Variants in TDRD10 observed in about 807,000 individuals in gnomAD.
TDRD10 encodes the protein tudor domain-containing protein 10.
TDRD10 carries 40 observed loss-of-function variants against 48.0 expected under a neutral mutation model. That is an observed-to-expected ratio of 0.83 (90% confidence interval 0.65 to 1.09). The LOEUF (loss-of-function observed/expected upper bound fraction) is 1.09, where lower values mean the gene tolerates loss of function less well. Ranked by LOEUF, TDRD10 falls within the 50% of genes least tolerant of loss-of-function variation. The probability of loss-of-function intolerance (pLI) is 0.00; values close to 1 mark genes in which losing one functional copy is unlikely to be tolerated. For synonymous variants in TDRD10, 162 were observed against 170.4 expected (o/e 0.95, Z 0.38); for missense variants, 378 against 434.7 (o/e 0.87, Z 1.16).
intron 12 of TDRD10, 45 bp from the exon 13 acceptor site, chr1:154,547,633 C>T (rs370366412): frequency 2.3e-5 from 37 of 1,614,060 alleles, no homozygotes; most frequent in African/African-American, 2.3e-4. Context: ...TGAACTGGCT[C>T]GGGTGGGCCT....
intron 4 of TDRD10, among the ~76,000 whole-genome samples, chr1:154,520,035 G>T (rs547060742): frequency 6.6e-6 from 1 of 152,178 alleles, no homozygotes; most frequent in Non-Finnish European, 1.5e-5. Flanking sequence ...GGCCGTGTGC[G>T]CCCATAGCCA....
intron 4 of TDRD10, among the ~76,000 whole-genome samples, chr1:154,517,397 T>G (rs1480881664): frequency 6.6e-6 from 1 of 152,266 alleles, no homozygotes; most frequent in African/African-American, 2.4e-5. Flanking sequence ...AGGTTGTACC[T>G]TATGAAATAG....
intron 6 of TDRD10, among the ~76,000 whole-genome samples, chr1:154,532,671 C>G (rs1205163686): frequency 6.6e-6 from 1 of 152,072 alleles, no homozygotes; most frequent in Admixed American, 6.6e-5. Flanking sequence ...TTTCCTGGTT[C>G]TTGGTATGAT....
rs766484327 is a variant in TDRD10 at position 154,507,236 on chromosome 1, G to C, written c.3-5G>C. 2.5e-6 allele frequency: 4 copies of C among 1,613,900 alleles called. No homozygotes were observed. The highest frequency in any genetic ancestry group is 3.4e-6 in the Non-Finnish European group (4 of 1,179,958). On this transcript the variant is annotated splice_region_variant and splice_polypyrimidine_tract_variant and intron_variant, in intron 2 of 12. Coordinates refer to ENST00000368482, the MANE Select transcript of TDRD10 (RefSeq NM_182499.4). ...AGGTTCGATGCTGACACCTGTGTTT[G>C]ACAGGTCCTGGAACATTAGTCACCC...
chr1:154,505,224 C>G (rs150773784), intron 1 of TDRD10, among the ~76,000 whole-genome samples: 1 of 152,300 alleles, frequency 6.6e-6, no homozygotes, highest in East Asian at 1.9e-4. Context: ...CAATGTCTCC[C>G]TCTTAGAGTT....
At chr1:154,515,054 G>T (rs1034423679) in intron 4 of TDRD10, among the ~76,000 whole-genome samples, 1 of 151,872 alleles carries the variant, frequency 6.6e-6, no homozygotes, top group Non-Finnish European at 1.5e-5. Context: ...TTTTAGTAGA[G>T]ACGGGGCTTC....
At chr1:154,531,636 C>T (rs892735982) in intron 6 of TDRD10, among the ~76,000 whole-genome samples, 5 of 152,026 alleles carry the variant, frequency 3.3e-5, no homozygotes, top group Non-Finnish European at 5.9e-5. Flanking sequence ...AGTGTGGACC[C>T]GAAGAGTGAG....
intron 7 of TDRD10, 37 bp from the exon 8 acceptor site, chr1:154,542,694 T>C (rs1037408864): frequency 1.0e-5 from 16 of 1,574,202 alleles, no homozygotes; most frequent in Non-Finnish European, 1.3e-5. Context: ...CTCTGGGTAG[T>C]TCTGGTGCCT....
At chr1:154,510,862 C>T (rs1016589617) in intron 4 of TDRD10, among the ~76,000 whole-genome samples, 63 of 151,586 alleles carry the variant, frequency 4.2e-4, no homozygotes, top group Non-Finnish European at 5.6e-4. Flanking sequence ...CTGGCTAACA[C>T]GGTGAAACCC....
At chr1:154,533,353 G>GTTT (rs75204432) in intron 6 of TDRD10, among the ~76,000 whole-genome samples, 10 of 134,430 alleles carry the variant, frequency 7.4e-5, no homozygotes, top group Admixed American at 2.2e-4. Context: ...CTTTTGTTGG[G>GTTT]TTTTTTTTTT....
intron 4 of TDRD10, among the ~76,000 whole-genome samples, chr1:154,512,500 A>G (rs990111214): frequency 2.6e-5 from 4 of 152,162 alleles, no homozygotes; most frequent in Non-Finnish European, 5.9e-5. Flanking sequence ...ATGCACCACC[A>G]TGCCTGGCTA....
At chr1:154,520,096 A>G (rs1430998291) in intron 4 of TDRD10, among the ~76,000 whole-genome samples, 1 of 152,182 alleles carries the variant, frequency 6.6e-6, no homozygotes, top group African/African-American at 2.4e-5. Context: ...TCTTGTCTGC[A>G]TCGCTGCTTG....
At chr1:154,541,895 C>T in intron 6 of TDRD10, 129 bp from the exon 7 acceptor site, 1 of 821,998 alleles carries the variant, frequency 1.2e-6, no homozygotes, top group South Asian at 1.9e-5. Flanking sequence ...CAAAAGTCAG[C>T]TCTAAAGTCG....
rs1244130009 is a variant in TDRD10 at position 154,502,656 on chromosome 1, G to T, written c.-401G>T. On this transcript the variant is annotated 5_prime_UTR_variant, in exon 1 of 13. Transcript: ENST00000368482. ...CCCGCGTCTGCACCGAGCCGGTCTC[G>T]GCCGGGCGCTGCCTTCACACGCGCC... The T allele has an allele frequency of 2.0e-5, 3 of 152,310 alleles. No individual in the cohort carries two copies. Among genetic ancestry groups the T allele is most frequent in the Non-Finnish European group, 2.9e-5 (2 of 68,114 alleles). The allele number at this position is 152,310 out of a possible 1,614,324, so 9.4% of individuals were successfully genotyped here.
intron 8 of TDRD10, among the ~76,000 whole-genome samples, chr1:154,543,318 A>T (rs187358415): frequency 3.3e-5 from 5 of 152,270 alleles, no homozygotes; most frequent in Non-Finnish European, 5.9e-5. Context: ...ATCAGCTTCC[A>T]CTTATGTACA....
intron 6 of TDRD10, among the ~76,000 whole-genome samples, chr1:154,532,223 C>A (rs1694668897): frequency 1.3e-5 from 2 of 152,198 alleles, no homozygotes; most frequent in South Asian, 4.1e-4. Context: ...GGCTGCAGGT[C>A]CCAAGCCCTG....
At chr1:154,546,134 C>T (rs4382717) in intron 11 of TDRD10, among the ~76,000 whole-genome samples, 77,986 of 149,374 alleles carry the variant, frequency 0.52, 22,798 homozygotes, top group East Asian at 0.76. Context: ...AGTGCAGTGG[C>T]GTGATCTCAG....
intron 6 of TDRD10, among the ~76,000 whole-genome samples, chr1:154,522,372 A>G (rs1404855141): frequency 6.6e-6 from 1 of 152,140 alleles, no homozygotes; most frequent in Non-Finnish European, 1.5e-5. Context: ...AAAGATAGAC[A>G]CATTGTTGCT....
rs181652091 is a variant in TDRD10, at chr1:154,528,614, G to A, written c.369+7135G>A. Among the ~76,000 whole-genome samples the A allele has an allele frequency of 4.7e-3, 721 of 152,044 alleles. 4 individuals carry two copies. The highest frequency in any genetic ancestry group is 0.017 in the African/African-American group (687 of 41,518). ...CCAGCACTTTGGGAGGCTGAGGCAG[G>A]CGGAGACCAGCCTGGCCAACATGGT... On this transcript the variant is annotated intron_variant, in intron 6 of 12. Coordinates refer to ENST00000368482, the MANE Select transcript of TDRD10 (RefSeq NM_182499.4).
Sources: gnomAD v4.1 joint callset for allele counts (sites outside exome capture counted in the v4.1 genomes callset) on GRCh38, gnomAD v4.1.1 for gene constraint, MANE v1.5 for transcripts, NCBI Gene and HGNC (gene_info 2026-07-23, HGNC 2026-07-21) for gene names.